The following PCDH15 variants were observed in gnomAD, a reference collection of about 807,000 sequenced individuals.
PCDH15 encodes the protein protocadherin related 15.
PCDH15 carries 129 observed loss-of-function variants against 178.5 expected under a neutral mutation model. The ratio of observed to expected loss-of-function variants is 0.72; its 90% confidence interval spans 0.63 to 0.84. PCDH15 has a LOEUF of 0.84. Ranked by LOEUF, PCDH15 falls within the 40% of genes least tolerant of loss-of-function variation. The probability of loss-of-function intolerance (pLI) is 0.00; values close to 1 mark genes in which losing one functional copy is unlikely to be tolerated. For missense variants in PCDH15, 2,230 were observed against 2,099.9 expected (o/e 1.06, Z -1.21); for synonymous variants, 800 against 732.0 (o/e 1.09, Z -1.50).
chr10:55,303,852 T>A (rs764764829), intron 1 of PCDH15, among the ~76,000 whole-genome samples: 1 of 152,168 alleles, frequency 6.6e-6, no homozygotes, highest in Non-Finnish European at 1.5e-5. Context: ...AGAACAGACA[T>A]GGTTGCCTCT....
intron 3 of PCDH15, among the ~76,000 whole-genome samples, chr10:54,379,284 G>A (rs1554940694): frequency 6.6e-6 from 1 of 152,076 alleles, no homozygotes; most frequent in Non-Finnish European, 1.5e-5. Context: ...GGAAATGCCT[G>A]TAATAGCAGA....
intron 29 of PCDH15, among the ~76,000 whole-genome samples, chr10:53,839,860 T>C (rs2077534655): frequency 6.6e-6 from 1 of 152,188 alleles, no homozygotes; most frequent in Admixed American, 6.5e-5. Context: ...CCACCTGCTC[T>C]CCACCTGTAA....
At chr10:54,884,871 A>T (rs1467778128) in intron 3 of PCDH15, among the ~76,000 whole-genome samples, 1 of 152,096 alleles carries the variant, frequency 6.6e-6, no homozygotes, top group Admixed American at 6.6e-5. Context: ...TTTAAAAAAT[A>T]CATTAAATTG....
intron 2 of PCDH15, among the ~76,000 whole-genome samples, chr10:55,095,015 T>TGCAG (rs1038753197): frequency 1.2e-4 from 18 of 149,866 alleles, no homozygotes; most frequent in African/African-American, 3.9e-4. Flanking sequence ...TCAACCACCC[T>TGCAG]GGCTCAAGGG....
At chr10:54,546,488 T>C (rs577676022) in intron 2 of PCDH15, among the ~76,000 whole-genome samples, 2 of 152,196 alleles carry the variant, frequency 1.3e-5, no homozygotes, top group South Asian at 4.1e-4. Flanking sequence ...GAATTTATTA[T>C]AAGAAAATAG....
chr10:55,304,236 G>A (rs950419677), intron 1 of PCDH15, among the ~76,000 whole-genome samples: 3 of 151,962 alleles, frequency 2.0e-5, no homozygotes, highest in Non-Finnish European at 4.4e-5. Flanking sequence ...ACTTTTCCTG[G>A]TATTTGGATG....
rs185662048 is a variant in PCDH15 at position 54,584,115 on chromosome 10, A to T, written c.92-56238T>A. 1.6e-4 allele frequency among the ~76,000 whole-genome samples: 24 copies of T among 152,278 alleles called. No individual in the cohort carries two copies. In the East Asian group the frequency reaches 2.1e-3, roughly 13 times the overall value. On this transcript the variant is annotated intron_variant, in intron 2 of 37. Coordinates refer to ENST00000644397, the MANE Select transcript of PCDH15 (RefSeq NM_001384140.1). ...TAATATATTATTTAAGGTCAAGTGT[A>T]GATGCTCAAGCTTGTAATCCCAAAG...
intron 3 of PCDH15, among the ~76,000 whole-genome samples, chr10:54,852,218 T>C (rs527955747): frequency 6.6e-6 from 1 of 151,486 alleles, no homozygotes; most frequent in South Asian, 2.1e-4. Flanking sequence ...AAAAGCATAA[T>C]ATGTATATTG....
intron 2 of PCDH15, among the ~76,000 whole-genome samples, chr10:55,454,354 A>G (rs1311573487): frequency 6.6e-6 from 1 of 152,180 alleles, no homozygotes; most frequent in Non-Finnish European, 1.5e-5. Context: ...TCAATAATAT[A>G]TAATTTCCCC....
chr10:55,170,890 G>GA (rs1477199272), intron 1 of PCDH15, among the ~76,000 whole-genome samples: 10 of 151,778 alleles, frequency 6.6e-5, no homozygotes, highest in Admixed American at 1.3e-4. Flanking sequence ...TCAAAAAAAA[G>GA]AAAAAAAGAA....
At chr10:54,404,163 T>C (rs1439261058) in intron 3 of PCDH15, among the ~76,000 whole-genome samples, 2 of 151,702 alleles carry the variant, frequency 1.3e-5, no homozygotes, top group Non-Finnish European at 2.9e-5. Context: ...GATAAAATAT[T>C]CTATTTTAAT....
intron 2 of PCDH15, among the ~76,000 whole-genome samples, chr10:55,162,877 T>C (rs1839101317): frequency 6.6e-6 from 1 of 152,146 alleles, no homozygotes; most frequent in African/African-American, 2.4e-5. Flanking sequence ...CTTAAACAAT[T>C]ACCAGTCATT....
At chr10:54,247,962 AC>A (rs1564784798) in intron 8 of PCDH15, among the ~76,000 whole-genome samples, 7 of 138,218 alleles carry the variant, frequency 5.1e-5, no homozygotes, top group African/African-American at 1.9e-4. Flanking sequence ...ATATATATAC[AC>A]ATACAGTAAA....
chr10:55,283,727 T>C (rs1842794441), intron 1 of PCDH15, among the ~76,000 whole-genome samples: 1 of 151,602 alleles, frequency 6.6e-6, no homozygotes, highest in East Asian at 1.9e-4. Context: ...AATTTTCATA[T>C]GGCTTGTAAC....
intron 3 of PCDH15, among the ~76,000 whole-genome samples, chr10:54,837,326 C>T (rs1953333853): frequency 6.6e-6 from 1 of 152,060 alleles, no homozygotes; most frequent in Admixed American, 6.6e-5. Flanking sequence ...ATGTAATTCC[C>T]ATGAGTTTTA....
At chr10:54,314,382 C>T (rs2061104028) in intron 8 of PCDH15, among the ~76,000 whole-genome samples, 1 of 151,984 alleles carries the variant, frequency 6.6e-6, no homozygotes, top group Non-Finnish European at 1.5e-5. Flanking sequence ...AGCAAACCCA[C>T]CCTCTTGTAG....
intron 17 of PCDH15, among the ~76,000 whole-genome samples, chr10:54,074,344 C>T (rs994470347): frequency 6.6e-6 from 1 of 152,144 alleles, no homozygotes; most frequent in Non-Finnish European, 1.5e-5. Flanking sequence ...AATAACTCCC[C>T]ATTTCTCTTT....
At chr10:54,448,422 A>T (rs749809265) in intron 3 of PCDH15, among the ~76,000 whole-genome samples, 1 of 151,644 alleles carries the variant, frequency 6.6e-6, no homozygotes, top group Non-Finnish European at 1.5e-5. Context: ...TGACAATATC[A>T]TGAATCATTT....
intron 2 of PCDH15, among the ~76,000 whole-genome samples, chr10:55,481,118 G>A (rs978978656): frequency 6.6e-6 from 1 of 151,598 alleles, no homozygotes; most frequent in Non-Finnish European, 1.5e-5. Context: ...TCTATTTTAT[G>A]TGCATAGAAG....
Sources: gnomAD v4.1 joint callset for allele counts (sites outside exome capture counted in the v4.1 genomes callset) on GRCh38, gnomAD v4.1.1 for gene constraint, MANE v1.5 for transcripts, NCBI Gene and HGNC (gene_info 2026-07-23, HGNC 2026-07-21) for gene names.